The following KIF11 variants were observed in gnomAD, a reference collection of about 807,000 sequenced individuals.
KIF11 encodes kinesin family member 11, also known as kinesin-like protein KIF11.
Under a neutral mutation model 121.0 loss-of-function variants are expected in KIF11, and 9 were observed. That is an observed-to-expected ratio of 0.07 (90% CI 0.04 to 0.13). KIF11 has a LOEUF of 0.13. KIF11 is among the 10% of genes least tolerant of loss of function. KIF11 has a pLI of 1.00. For synonymous variants in KIF11, 408 were observed against 421.0 expected (o/e 0.97, Z 0.38); for missense variants, 846 against 1,217.5 (o/e 0.69, Z 4.54).
In KIF11 at chr10:92,593,168, T is replaced by A; in HGVS notation, c.-208T>A. 1.8e-6 allele frequency: 1 copy of A among 542,718 alleles called. No individual in the cohort carries two copies. The highest frequency in any genetic ancestry group is 2.4e-5 in the South Asian group (1 of 42,202). 33.6% of individuals were successfully genotyped at this position (542,718 alleles called of 1,614,324 possible). A position where few individuals can be genotyped will look rare whatever the true frequency, so the allele number is the denominator to read the frequency against. On this transcript the variant is annotated 5_prime_UTR_variant, in exon 1 of 22. Coordinates refer to ENST00000260731, the MANE Select transcript of KIF11 (RefSeq NM_004523.4). The stretch of plus-strand genomic sequence containing the variant: ...TCGGGCGGAGACGAGATTAGTGATT[T>A]GGCGGCTCCGACTGGCGCGGGACAA...
chr10:92,633,811 A>G lies in KIF11; in HGVS notation c.1875+16A>G, dbSNP rs768272123. 2 of 1,504,944 alleles carry G rather than the reference A, an allele frequency of 1.3e-6. No individual in the cohort carries two copies. Among genetic ancestry groups the G allele is most frequent in the Non-Finnish European group, 1.8e-6 (2 of 1,099,874 alleles). The allele number at this position is 1,504,944 out of a possible 1,614,324, so 93.2% of individuals were successfully genotyped here. A position where few individuals can be genotyped will look rare whatever the true frequency, so the allele number is the denominator to read the frequency against. The stretch of plus-strand genomic sequence containing the variant: ...GGAATTGATTGTTAGTACATCCTTT[A>G]AAATATTTTTGAAGGGTTGCATTTG... On this transcript the variant is annotated intron_variant, in intron 14 of 21. Transcript: ENST00000260731.
intron 1 of KIF11, among the ~76,000 whole-genome samples, chr10:92,600,508 T>G (rs180837571): frequency 6.6e-5 from 10 of 152,228 alleles, no homozygotes; most frequent in Admixed American, 5.9e-4. Flanking sequence ...TTTCTTTCTT[T>G]TCTATTTTTT....
intron 13 of KIF11, among the ~76,000 whole-genome samples, chr10:92,633,294 GTTTT>G (rs573358022): frequency 6.8e-6 from 1 of 148,140 alleles, no homozygotes; most frequent in Non-Finnish European, 1.5e-5. Flanking sequence ...TTGATTTCCA[GTTTT>G]TTTTTTCTTC....
chr10:92,648,046 C>CTGTA (rs1271011517), intron 18 of KIF11, among the ~76,000 whole-genome samples, 166 bp from the exon 19 acceptor site: 11 of 148,802 alleles, frequency 7.4e-5, no homozygotes, highest in African/African-American at 2.8e-4. Flanking sequence ...GAGGTCAAGG[C>CTGTA]TGTAGTGAGC....
At chr10:92,636,172 G>A (rs1844793314) in intron 14 of KIF11, among the ~76,000 whole-genome samples, 1 of 152,118 alleles carries the variant, frequency 6.6e-6, no homozygotes, top group Admixed American at 6.5e-5. Context: ...ATGACTACTT[G>A]GTCTCAGCCT....
Position 92,609,025 on chromosome 10 carries a change from C to T in KIF11, c.393C>T (p.Pro131=), listed in dbSNP as rs1844462381. 6.5e-7 allele frequency: 1 copy of T among 1,532,754 alleles called. No homozygotes were observed. The highest frequency in any genetic ancestry group is 1.4e-5 in the African/African-American group (1 of 72,126). 94.9% of individuals were successfully genotyped at this position (1,532,754 alleles called of 1,614,324 possible). Residue 131 remains proline (P), a synonymous_variant, in exon 5 of 22, where the codon CCC becomes CCT. Coordinates refer to ENST00000260731, the MANE Select transcript of KIF11 (RefSeq NM_004523.4). ...AGTCCTTATTATAATTTCAGGATCCCTTGGCTGGTATAATTCCACGTACCC... is the reference window on the plus strand; with the variant it reads ...AGTCCTTATTATAATTTCAGGATCCTTTGGCTGGTATAATTCCACGTACCC... ...PNEEYTWEED[P]LAGIIPRTLH...
intron 1 of KIF11, among the ~76,000 whole-genome samples, chr10:92,599,653 C>CT (rs1844344021): frequency 6.9e-6 from 1 of 144,750 alleles, no homozygotes. Flanking sequence ...TTAGAGTTTT[C>CT]TTTTCTTTTT....
intron 13 of KIF11, 91 bp from the exon 14 acceptor site, chr10:92,633,532 G>A (rs1378296258): frequency 7.0e-6 from 6 of 854,382 alleles, no homozygotes; most frequent in Non-Finnish European, 1.1e-5. Flanking sequence ...TACAACAAGG[G>A]TATACTTTTG....
chr10:92,608,030 G>T (rs968678265), intron 4 of KIF11, among the ~76,000 whole-genome samples: 2 of 147,598 alleles, frequency 1.4e-5, no homozygotes, highest in Admixed American at 1.4e-4. Context: ...TGGTGCATAC[G>T]TGTAATCCCA....
At chr10:92,594,107 A>C (rs1230834384) in intron 1 of KIF11, among the ~76,000 whole-genome samples, 1 of 152,186 alleles carries the variant, frequency 6.6e-6, no homozygotes, top group Non-Finnish European at 1.5e-5. Flanking sequence ...TTTTAAAATA[A>C]GCTAGAAACT....
rs1845015429 is a variant in KIF11 at position 92,653,878 on chromosome 10, A to G, written c.*82A>G. ...ACCCCAGAACTTGAGCCTTGTGTAT[A>G]GATTTTAAAAGAATATATATATCAG... On this transcript the variant is annotated 3_prime_UTR_variant, in exon 22 of 22. Coordinates refer to ENST00000260731, the MANE Select transcript of KIF11 (RefSeq NM_004523.4). 1.6e-6 allele frequency: 2 copies of G among 1,265,034 alleles called. No individual in the cohort carries two copies. Among genetic ancestry groups the G allele is most frequent in the Admixed American group, 4.7e-5 (2 of 42,452 alleles). The allele number at this position is 1,265,034 out of a possible 1,614,324, so 78.4% of individuals were successfully genotyped here. A position where few individuals can be genotyped will look rare whatever the true frequency, so the allele number is the denominator to read the frequency against.
intron 19 of KIF11, 85 bp from the exon 20 acceptor site, chr10:92,649,750 A>G (rs895536933): frequency 2.3e-6 from 2 of 860,694 alleles, no homozygotes; most frequent in African/African-American, 3.4e-5. Context: ...TTAGAAGACA[A>G]GATTAATTAG....
chr10:92,627,689 TTGTAC>T (rs1247415656), intron 10 of KIF11, among the ~76,000 whole-genome samples: 3 of 152,192 alleles, frequency 2.0e-5, no homozygotes, highest in Non-Finnish European at 4.4e-5. Context: ...ATTAGAAGCT[TTGTAC>T]ATGGGTGAGG....
At chr10:92,596,270 C>G (rs1486240079) in intron 1 of KIF11, among the ~76,000 whole-genome samples, 2 of 152,228 alleles carry the variant, frequency 1.3e-5, no homozygotes, top group East Asian at 1.9e-4. Flanking sequence ...CCCTAAGAGC[C>G]GGGATTACAG....
In KIF11 at chr10:92,609,291, AGAGAGAGAGAGAGT is replaced by A. The variant is rs754998881; in HGVS notation, c.573+88_574-79del. 3.7e-3 allele frequency: 4,760 copies of A among 1,299,668 alleles called. 59 individuals are homozygous for A. In the East Asian group the frequency reaches 0.043, roughly 12 times the overall value. The allele number at this position is 1,299,668 out of a possible 1,614,324, so 80.5% of individuals were successfully genotyped here. ...CAGAGAGAGAGAGAGAGAGAGAGAG[AGAGAGAGAGAGAGT>A]GTGTGTGTGTGTGTGTGTGTGTGTG... is the stretch of plus-strand genomic sequence containing the variant. On this transcript the variant is annotated intron_variant, in intron 5 of 21. Coordinates refer to ENST00000260731, the MANE Select transcript of KIF11 (RefSeq NM_004523.4).
At chr10:92,633,037 A>G (rs1844756516) in intron 13 of KIF11, among the ~76,000 whole-genome samples, 1 of 151,870 alleles carries the variant, frequency 6.6e-6, no homozygotes, top group East Asian at 1.9e-4. Flanking sequence ...TTTTCTGGAA[A>G]TTTTTTGTGC....
At position 92,648,326 on chromosome 10, in the gene KIF11, G is replaced by A. The variant is rs751684521; in HGVS notation, c.2662G>A (p.Glu888Lys). ...TTTTCTTGATCAGATGACTATTGAT[G>A]AAGATAAATTGATAGCACAAAATCT... ...NIFLDQMTID[E>K]DKLIAQNLEL... Residue 888 changes from glutamate (E) to lysine (K), a missense_variant, in exon 19 of 22, where the codon GAA becomes AAA. Physicochemically the swap from Glu to Lys is moderately conservative, Grantham distance 56. Transcript: ENST00000260731. 3 of 1,610,576 alleles carry A rather than the reference G, an allele frequency of 1.9e-6. No homozygotes were observed. Among genetic ancestry groups the A allele is most frequent in the East Asian group, 4.5e-5 (2 of 44,834 alleles).
rs1844562672 is a variant in KIF11, at chr10:92,616,837, CTG to C, written c.1128+8_1128+9del. 5.3e-6 allele frequency: 8 copies of C among 1,498,394 alleles called. No homozygotes were observed. The highest frequency in any genetic ancestry group is 4.6e-6 in the Non-Finnish European group (5 of 1,087,904). 92.8% of individuals were successfully genotyped at this position (1,498,394 alleles called of 1,614,324 possible). On this transcript the variant is annotated splice_donor_region_variant and intron_variant, in intron 9 of 21. Transcript: ENST00000260731. ...ACCAAAAAAGCTCTTATTAAGGTAACTGTGAATTTTTGTAGAGTAATGTAATC... is the reference window on the plus strand; with the variant it reads ...ACCAAAAAAGCTCTTATTAAGGTAACTGAATTTTTGTAGAGTAATGTAATC...
chr10:92,616,031 G>A (rs1367391415), intron 8 of KIF11, among the ~76,000 whole-genome samples: 1 of 151,570 alleles, frequency 6.6e-6, no homozygotes, highest in African/African-American at 2.4e-5. Context: ...TGGAGACAGG[G>A]TTTCACCATG....
Sources: gnomAD v4.1 joint callset for allele counts (sites outside exome capture counted in the v4.1 genomes callset) on GRCh38, gnomAD v4.1.1 for gene constraint, MANE v1.5 for transcripts, NCBI Gene and HGNC (gene_info 2026-07-23, HGNC 2026-07-21) for gene names.